The following ERICH3 variants were observed in gnomAD, a reference collection of about 807,000 sequenced individuals.
ERICH3 encodes the protein glutamate rich 3.
In ERICH3, 126 loss-of-function variants were observed where a neutral mutation model predicts 131.1. The observed-to-expected ratio is 0.96, with a 90% CI of 0.83 to 1.11. The LOEUF is 1.11. Among genes scored for constraint, ERICH3 ranks in the 50% most tolerant of loss-of-function variants. The pLI is 0.00. For missense variants in ERICH3, 2,050 were observed against 1,810.7 expected (o/e 1.13, Z -2.40); for synonymous variants, 695 against 644.6 (o/e 1.08, Z -1.18).
At chr1:74,602,564 G>A (rs1570851790) in intron 10 of ERICH3, among the ~76,000 whole-genome samples, 1 of 151,862 alleles carries the variant, frequency 6.6e-6, no homozygotes, top group East Asian at 1.9e-4. Context: ...ACTTCTTGCT[G>A]TCCTTACATC....
chr1:74,620,297 G>A (rs1649158132), intron 8 of ERICH3, among the ~76,000 whole-genome samples: 1 of 152,160 alleles, frequency 6.6e-6, no homozygotes, highest in African/African-American at 2.4e-5. Flanking sequence ...TTATTTAGGT[G>A]TGATTCACCC....
At chr1:74,661,438 T>C (rs926647777) in intron 1 of ERICH3, among the ~76,000 whole-genome samples, 1 of 152,172 alleles carries the variant, frequency 6.6e-6, no homozygotes, top group African/African-American at 2.4e-5. Flanking sequence ...AGCAACCTCA[T>C]TTTGAGGGGT....
rs1179682592 is a variant in ERICH3 at position 74,595,904 on chromosome 1, A to G, written c.1726+3791T>C. 2.0e-5 allele frequency among the ~76,000 whole-genome samples: 3 copies of G among 152,222 alleles called. No individual in the cohort carries two copies. The East Asian group carries it at 5.8e-4, about 29-fold the overall frequency. On this transcript the variant is annotated intron_variant, in intron 11 of 14. Coordinates refer to ENST00000326665, the MANE Select transcript of ERICH3 (RefSeq NM_001002912.5). The stretch of plus-strand genomic sequence containing the variant: ...CACACATATTATATAGTCTTTGGTC[A>G]GAAGCCATCTATAACATTCCCATAA...
chr1:74,600,818 C>G (rs1216226031), intron 10 of ERICH3, among the ~76,000 whole-genome samples: 1 of 151,638 alleles, frequency 6.6e-6, no homozygotes, highest in Non-Finnish European at 1.5e-5. Context: ...AGCAAATAAA[C>G]AATTATCCTT....
intron 5 of ERICH3, among the ~76,000 whole-genome samples, chr1:74,639,656 A>C (rs2100632598): frequency 6.6e-6 from 1 of 152,304 alleles, no homozygotes; most frequent in South Asian, 2.1e-4. Flanking sequence ...TGAATGTTCC[A>C]AGCATATGCA....
intron 8 of ERICH3, among the ~76,000 whole-genome samples, chr1:74,619,667 A>C (rs1649128000): frequency 6.6e-6 from 1 of 152,206 alleles, no homozygotes; most frequent in Non-Finnish European, 1.5e-5. Context: ...CATTTTCCTC[A>C]ACTACAAAAC....
chr1:74,607,578 C>G (rs1337930718), intron 9 of ERICH3, among the ~76,000 whole-genome samples: 2 of 151,750 alleles, frequency 1.3e-5, no homozygotes, highest in Non-Finnish European at 2.9e-5. Flanking sequence ...TTTAGAATGG[C>G]CTTTTGAAGT....
chr1:74,658,783 T>C (rs191976284), intron 1 of ERICH3, among the ~76,000 whole-genome samples: 20 of 152,284 alleles, frequency 1.3e-4, no homozygotes, highest in Admixed American at 5.2e-4. Context: ...TACCCAGTTT[T>C]AAATCTTCTA....
At chr1:74,585,580 A>G (rs1202443315) in intron 12 of ERICH3, among the ~76,000 whole-genome samples, 2 of 152,140 alleles carry the variant, frequency 1.3e-5, no homozygotes, top group East Asian at 3.8e-4. Flanking sequence ...ATTGTATATG[A>G]TTTTTAGCCC....
At chr1:74,623,904 A>G in intron 7 of ERICH3, 1 of 152,198 alleles carries the variant, frequency 6.6e-6, no homozygotes, top group Middle Eastern at 3.2e-3. Context: ...AGTGGCCCAA[A>G]CACTATCAAC....
intron 7 of ERICH3, among the ~76,000 whole-genome samples, chr1:74,631,139 ATATT>A (rs1421552228): frequency 6.6e-6 from 1 of 152,114 alleles, no homozygotes; most frequent in Non-Finnish European, 1.5e-5. Context: ...TATTGGTTGT[ATATT>A]TAACATAATA....
At chr1:74,575,863 C>T (rs1000561289) in intron 13 of ERICH3, among the ~76,000 whole-genome samples, 1 of 152,128 alleles carries the variant, frequency 6.6e-6, no homozygotes, top group East Asian at 1.9e-4. Context: ...ACATGACGTT[C>T]CTCAAGCAAG....
intron 1 of ERICH3, among the ~76,000 whole-genome samples, chr1:74,668,420 T>C (rs2100661038): frequency 6.6e-6 from 1 of 152,280 alleles, no homozygotes; most frequent in East Asian, 1.9e-4. Flanking sequence ...ACAAATGACT[T>C]TCATGACTGG....
intron 8 of ERICH3, among the ~76,000 whole-genome samples, chr1:74,613,664 A>G (rs1385204363): frequency 6.6e-6 from 1 of 152,178 alleles, no homozygotes; most frequent in Non-Finnish European, 1.5e-5. Flanking sequence ...CATCCACCCA[A>G]AAGTCCCACC....
chr1:74,666,909 A>G (rs1394548923), intron 1 of ERICH3, among the ~76,000 whole-genome samples: 1 of 152,216 alleles, frequency 6.6e-6, no homozygotes, highest in African/African-American at 2.4e-5. Flanking sequence ...AGCCAAAGAA[A>G]TAAACAAAGG....
rs558401476 is a variant in ERICH3 at position 74,631,916 on chromosome 1, C to A, written c.616G>T (p.Val206Leu). 1,087 of 1,612,310 alleles carry A rather than the reference C, an allele frequency of 6.7e-4. 13 individuals carry two copies. The South Asian group carries it at 0.011, about 17-fold the overall frequency. The part of the protein sequence containing the change: ...ALFPIGGKKA[V>L]MKFRNSIGNS... ...CCTATGGAGTTCCTGAACTTCATCA[C>A]TGCCTTCTTGCCCTGTAATCATATT... The change falls in exon 7 of 15, where the codon GTG becomes TTG. Residue 206 changes from valine to leucine, a missense_variant. Coordinates refer to ENST00000326665, the MANE Select transcript of ERICH3 (RefSeq NM_001002912.5).
intron 7 of ERICH3, chr1:74,623,050 T>C (rs1478110839): frequency 6.6e-6 from 1 of 152,192 alleles, no homozygotes; most frequent in African/African-American, 2.4e-5. Context: ...ATACTTACCA[T>C]CTTGCAAAGA....
intron 12 of ERICH3, among the ~76,000 whole-genome samples, chr1:74,585,750 C>CG (rs1647296249): frequency 7.3e-6 from 1 of 137,378 alleles, no homozygotes; most frequent in East Asian, 2.1e-4. Context: ...GATCTAAGTA[C>CG]AATATATATG....
intron 1 of ERICH3, among the ~76,000 whole-genome samples, chr1:74,666,282 A>T (rs1399172356): frequency 6.6e-6 from 1 of 152,220 alleles, no homozygotes; most frequent in Admixed American, 6.5e-5. Flanking sequence ...GAGTAGACCC[A>T]TAAGAGAATA....
Sources: allele counts gnomAD v4.1 joint callset (sites outside exome capture counted in the v4.1 genomes callset), GRCh38; gene constraint gnomAD v4.1.1; transcripts MANE v1.5; gene names NCBI Gene and HGNC (gene_info 2026-07-23, HGNC 2026-07-21).